The following TIAM1 variants were observed in gnomAD, a reference collection of about 807,000 sequenced individuals.
TIAM1 encodes TIAM Rac1 associated GEF 1.
In TIAM1, 65 loss-of-function variants were observed where a neutral mutation model predicts 163.5. The ratio of observed to expected loss-of-function variants is 0.40; its 90% CI spans 0.33 to 0.49. The LOEUF is 0.49. Ranked by LOEUF, TIAM1 falls within the 20% of genes least tolerant of loss-of-function variation. TIAM1 has a pLI of 0.77. For missense variants in TIAM1, 1,789 were observed against 2,044.7 expected, an observed-to-expected ratio of 0.87 and a Z score of 2.41; for synonymous variants, 833 against 810.1, an observed-to-expected ratio of 1.03 and a Z score of -0.48.
At chr21:31,213,346 T>A (rs892918785) in intron 10 of TIAM1, 52 bp downstream of exon 10, 1 of 1,483,598 alleles carries the variant, frequency 6.7e-7, no homozygotes, top group Admixed American at 1.9e-5. Context: ...ACCATGTATA[T>A]GTTGATGCAC....
At chr21:31,517,048 CAAAAA>C (rs747446437) in intron 1 of TIAM1, among the ~76,000 whole-genome samples, 2 of 65,390 alleles carry the variant, frequency 3.1e-5, no homozygotes, top group African/African-American at 5.2e-5. Context: ...GACTCTGTCT[CAAAAA>C]AAAAAAAAAA....
intron 2 of TIAM1, among the ~76,000 whole-genome samples, chr21:31,288,579 C>G (rs1354914424): frequency 1.3e-5 from 2 of 152,162 alleles, no homozygotes; most frequent in East Asian, 1.9e-4. Flanking sequence ...CTATCACATT[C>G]AGGTATTAGG....
rs2071809766 is a variant in TIAM1 at position 31,251,666 on chromosome 21, C to A, written c.1411+76G>T. The A allele has an allele frequency of 2.1e-6, 3 of 1,419,744 alleles. No homozygotes were observed. In the African/African-American group the frequency reaches 4.3e-5, roughly 20 times the overall value. 87.9% of individuals were successfully genotyped at this position (1,419,744 alleles called of 1,614,324 possible). On this transcript the variant is annotated intron_variant, in intron 5 of 27. Coordinates refer to ENST00000541036, the MANE Select transcript of TIAM1 (RefSeq NM_001353694.2). The stretch of plus-strand genomic sequence containing the variant: ...TAACAACAACAACAACAAACCCACC[C>A]ATCCCGTGAGTATGTGCACAACGGG...
chr21:31,401,662 C>T (rs1282968850), intron 2 of TIAM1, among the ~76,000 whole-genome samples: 1 of 152,116 alleles, frequency 6.6e-6, no homozygotes, highest in Non-Finnish European at 1.5e-5. Flanking sequence ...TGGGCTCATG[C>T]CTGTAATCCC....
intron 2 of TIAM1, among the ~76,000 whole-genome samples, chr21:31,463,068 CAGCACACCAG>C (rs140419683): frequency 0.021 from 3,259 of 152,248 alleles, 106 homozygotes; most frequent in African/African-American, 0.072. Flanking sequence ...TTATGTCTAG[CAGCACACCAG>C]GGCTGGGGAC....
intron 2 of TIAM1, among the ~76,000 whole-genome samples, chr21:31,321,363 T>TG (rs964701012): frequency 1.5e-5 from 2 of 129,708 alleles, no homozygotes; most frequent in African/African-American, 5.8e-5. Context: ...TTTGTTTGTT[T>TG]GTTTTTGAGA....
At chr21:31,369,496 C>T (rs573187094) in intron 2 of TIAM1, among the ~76,000 whole-genome samples, 2 of 152,004 alleles carry the variant, frequency 1.3e-5, no homozygotes, top group East Asian at 3.9e-4. Context: ...AGATCTATAC[C>T]ACTATAGGGT....
At chr21:31,497,712 G>A (rs1703790786) in intron 1 of TIAM1, among the ~76,000 whole-genome samples, 1 of 152,104 alleles carries the variant, frequency 6.6e-6, no homozygotes, top group Non-Finnish European at 1.5e-5. Context: ...ATAATAGCGC[G>A]AGCAGACAGT....
chr21:31,250,837 C>T (rs746433688), intron 5 of TIAM1, among the ~76,000 whole-genome samples: 2 of 151,914 alleles, frequency 1.3e-5, no homozygotes, highest in Admixed American at 6.6e-5. Flanking sequence ...ATGTACTTCA[C>T]GAAAATGTGC....
chr21:31,362,975 T>C (rs886072864), intron 2 of TIAM1, among the ~76,000 whole-genome samples: 3 of 152,092 alleles, frequency 2.0e-5, no homozygotes, highest in African/African-American at 7.2e-5. Flanking sequence ...TTGTAATGTT[T>C]TCCTCTGTAC....
Position 31,352,148 on chromosome 21 carries a change from T to C in TIAM1, c.-368-12726A>G, listed in dbSNP as rs1454181264. Among the ~76,000 whole-genome samples, 3 of 151,890 alleles carry C rather than the reference T, an allele frequency of 2.0e-5. No individual in the cohort carries two copies. In the East Asian group the frequency reaches 5.8e-4, roughly 29 times the overall value. On this transcript the variant is annotated intron_variant, in intron 2 of 28. Coordinates refer to the TIAM1 transcript ENST00000286827. ...TTGTCTGTGAATATTCATTGCAGCA[T>C]TACTCACAATAGCCAAGAGGTGAAA...
chr21:31,402,765 T>C (rs1602194607), intron 2 of TIAM1, among the ~76,000 whole-genome samples: 1 of 151,898 alleles, frequency 6.6e-6, no homozygotes, highest in Non-Finnish European at 1.5e-5. Flanking sequence ...CTGGCTACCA[T>C]GGTGAAACCC....
At chr21:31,243,192 C>CAAAAAA (rs60242603) in intron 6 of TIAM1, among the ~76,000 whole-genome samples, 157 of 100,928 alleles carry the variant, frequency 1.6e-3, no homozygotes, top group African/African-American at 5.5e-3. Flanking sequence ...AACTTCATCT[C>CAAAAAA]AAAAAAAAAA....
At chr21:31,491,041 G>C (rs2046451359) in intron 1 of TIAM1, among the ~76,000 whole-genome samples, 1 of 152,228 alleles carries the variant, frequency 6.6e-6, no homozygotes, top group African/African-American at 2.4e-5. Flanking sequence ...TGAGGCAGGA[G>C]AATCGCTTGA....
intron 14 of TIAM1, 149 bp downstream of exon 14, chr21:31,186,852 A>C: frequency 1.4e-6 from 1 of 709,624 alleles, no homozygotes. Flanking sequence ...ATGGAATAAA[A>C]TGCATATTCC....
chr21:31,225,016 C>G (rs1569061216), intron 7 of TIAM1, among the ~76,000 whole-genome samples: 1 of 152,036 alleles, frequency 6.6e-6, no homozygotes, highest in African/African-American at 2.4e-5. Flanking sequence ...ATATATCTCT[C>G]TCTATATATA....
At position 31,185,581 on chromosome 21, in the gene TIAM1, A is replaced by G. The variant is rs577979986; in HGVS notation, c.2662+1420T>C. On this transcript the variant is annotated intron_variant, in intron 14 of 27. Coordinates refer to ENST00000541036, the MANE Select transcript of TIAM1 (RefSeq NM_001353694.2). The stretch of plus-strand genomic sequence containing the variant: ...TTAATATAATATATTATATATTAAT[A>G]TAATATATTATATATCATATAGCTA... Among the ~76,000 whole-genome samples the G allele has an allele frequency of 4.1e-3, 562 of 136,384 alleles. 1 individual carries two copies. The highest frequency in any genetic ancestry group is 0.015 in the African/African-American group (516 of 34,650). 89.5% of individuals were successfully genotyped at this position (136,384 alleles called of 152,430 possible). A position where few individuals can be genotyped will look rare whatever the true frequency, so the allele number is the denominator to read the frequency against.
chr21:31,214,070 A>G (rs888358519), intron 9 of TIAM1, among the ~76,000 whole-genome samples: 8 of 151,826 alleles, frequency 5.3e-5, no homozygotes, highest in Admixed American at 5.2e-4. Context: ...CATATCTGCA[A>G]TCCTAGTACT....
chr21:31,160,591 CAGA>C (rs1321645786), intron 16 of TIAM1: 1 of 398,406 alleles, frequency 2.5e-6, no homozygotes, highest in East Asian at 3.6e-5. Context: ...AGCACGGAGA[CAGA>C]AGTTTCTTAA....
Sources: gnomAD v4.1 joint callset for allele counts (sites outside exome capture counted in the v4.1 genomes callset) on GRCh38, gnomAD v4.1.1 for gene constraint, MANE v1.5 for transcripts, NCBI Gene and HGNC (gene_info 2026-07-23, HGNC 2026-07-21) for gene names.